Variants in PCNX1 observed in about 807,000 individuals in gnomAD.
The protein encoded by PCNX1 is pecanex 1, also known as pecanex-like protein 1.
In PCNX1, 78 loss-of-function variants were observed where a neutral mutation model predicts 242.2. The observed-to-expected ratio is 0.32, with a 90% CI of 0.27 to 0.39. The LOEUF is 0.39. Among genes scored for constraint, PCNX1 ranks in the 10% least tolerant of loss-of-function variants. The probability of loss-of-function intolerance (pLI) is 1.00; values close to 1 mark genes in which losing one functional copy is unlikely to be tolerated. For missense variants in PCNX1, 2,581 were observed against 2,856.5 expected (o/e 0.90, Z 2.20); for synonymous variants, 1,024 against 1,032.9 (o/e 0.99, Z 0.17).
At chr14:71,101,007 T>A (rs902997187) in intron 30 of PCNX1, among the ~76,000 whole-genome samples, 1 of 152,190 alleles carries the variant, frequency 6.6e-6, no homozygotes, top group African/African-American at 2.4e-5. Context: ...TAGAACATTT[T>A]ACATTATGAA....
chr14:71,073,722 G>A lies in PCNX1; in HGVS notation c.5030G>A (p.Ser1677Asn), dbSNP rs917457124. The change falls in exon 27 of 36, where the codon AGC becomes AAC. Residue 1677 changes from serine to asparagine, a missense_variant. Transcript: ENST00000304743. Reference protein sequence around the residue: ...IVTKYILEGYSITDNSAASML... With the variant: ...IVTKYILEGYNITDNSAASML... ...ACAAAGTACATTCTGGAGGGTTATAGCATCACTGATAACAGTGCTGCTTCT... is the reference window on the plus strand; with the variant it reads ...ACAAAGTACATTCTGGAGGGTTATAACATCACTGATAACAGTGCTGCTTCT... The A allele has an allele frequency of 6.2e-7, 1 of 1,613,762 alleles. No individual in the cohort carries two copies. The highest frequency in any genetic ancestry group is 1.3e-5 in the African/African-American group (1 of 74,894).
At chr14:71,025,548 T>C (rs1465853579) in intron 13 of PCNX1, among the ~76,000 whole-genome samples, 1 of 152,154 alleles carries the variant, frequency 6.6e-6, no homozygotes, top group Non-Finnish European at 1.5e-5. Context: ...GAAGTGTATG[T>C]ATGTATGTAC....
At chr14:70,922,613 A>G (rs1279399549) in intron 1 of PCNX1, among the ~76,000 whole-genome samples, 1 of 152,122 alleles carries the variant, frequency 6.6e-6, no homozygotes, top group Non-Finnish European at 1.5e-5. Context: ...TCATATATGT[A>G]TGTACTTGAA....
At chr14:71,097,138 GTGACT>G (rs1379989379) in intron 30 of PCNX1, among the ~76,000 whole-genome samples, 1 of 152,162 alleles carries the variant, frequency 6.6e-6, no homozygotes, top group Non-Finnish European at 1.5e-5. Flanking sequence ...GCAAAAGGAA[GTGACT>G]TGATTCTTTT....
intron 7 of PCNX1, among the ~76,000 whole-genome samples, chr14:70,991,112 T>C (rs7157250): frequency 0.37 from 55,516 of 151,992 alleles, 10,408 homozygotes; most frequent in East Asian, 0.62. Flanking sequence ...TGTGTTCTAA[T>C]GTTCTAACTC....
At chr14:70,937,547 G>T (rs983670545) in intron 1 of PCNX1, among the ~76,000 whole-genome samples, 13 of 152,054 alleles carry the variant, frequency 8.5e-5, no homozygotes, top group African/African-American at 2.4e-4. Context: ...CCTTGTAGTA[G>T]AGTTTGAAGT....
chr14:70,998,930 A>G (rs968832491), intron 8 of PCNX1, among the ~76,000 whole-genome samples: 2 of 152,110 alleles, frequency 1.3e-5, no homozygotes, highest in Non-Finnish European at 2.9e-5. Context: ...AAATTCTTCA[A>G]TGTAATATGT....
chr14:70,994,419 A>ATATATATATATATATATATATG (rs2059277493), intron 7 of PCNX1, among the ~76,000 whole-genome samples: 1 of 128,922 alleles, frequency 7.8e-6, no homozygotes, highest in Non-Finnish European at 1.7e-5. Flanking sequence ...ATATATATAT[A>ATATATATATATATATATATATG]TATATATATA....
chr14:70,909,705 C>G (rs574082983), intron 1 of PCNX1, among the ~76,000 whole-genome samples: 2 of 152,198 alleles, frequency 1.3e-5, no homozygotes, highest in East Asian at 3.9e-4. Context: ...ATTGAGTTTA[C>G]TTCCTTCATT....
chr14:71,104,328 ACT>A (rs776764835), intron 32 of PCNX1, among the ~76,000 whole-genome samples: 1 of 152,096 alleles, frequency 6.6e-6, no homozygotes, highest in Admixed American at 6.5e-5. Flanking sequence ...AAAGCAGCAA[ACT>A]CTCAAATGTT....
In PCNX1 at chr14:70,948,201, A is replaced by T. The variant is rs571358140; in HGVS notation, c.362+1078A>T. On this transcript the variant is annotated intron_variant, in intron 2 of 35. Transcript: ENST00000304743. ...TATTTTATTGCCCTTGAAGCATGTG[A>T]TCTCTGTGACCCATACCCTATTCAT... Among the ~76,000 whole-genome samples the T allele has an allele frequency of 3.3e-5, 5 of 152,086 alleles. No homozygotes were observed. In the South Asian group the frequency reaches 1.0e-3, roughly 32 times the overall value.
At chr14:71,065,605 C>CAG (rs1267273039) in intron 26 of PCNX1, among the ~76,000 whole-genome samples, 2 of 152,306 alleles carry the variant, frequency 1.3e-5, no homozygotes, top group East Asian at 3.9e-4. Flanking sequence ...TTTTGCTTTA[C>CAG]AGAAGCTCTT....
chr14:71,038,648 G>C (rs1056359862), intron 19 of PCNX1, among the ~76,000 whole-genome samples: 11 of 150,648 alleles, frequency 7.3e-5, no homozygotes, highest in African/African-American at 2.7e-4. Context: ...TTCAACCATT[G>C]TGGAAGTCAG....
intron 26 of PCNX1, among the ~76,000 whole-genome samples, chr14:71,068,401 C>A (rs149727698): frequency 6.8e-6 from 1 of 147,716 alleles, no homozygotes; most frequent in Non-Finnish European, 1.5e-5. Flanking sequence ...TTTATGTATA[C>A]GTATATATAT....
At chr14:70,991,232 TCTCG>T (rs1469993712) in intron 7 of PCNX1, among the ~76,000 whole-genome samples, 1 of 141,374 alleles carries the variant, frequency 7.1e-6, no homozygotes, top group Non-Finnish European at 1.5e-5. Context: ...TGAGACGGAG[TCTCG>T]CTCTGTCACC....
intron 3 of PCNX1, among the ~76,000 whole-genome samples, chr14:70,964,160 A>G (rs921665752): frequency 6.6e-6 from 1 of 152,128 alleles, no homozygotes; most frequent in Non-Finnish European, 1.5e-5. Context: ...TCCATCTCAC[A>G]GGTTCAAGCT....
intron 1 of PCNX1, among the ~76,000 whole-genome samples, chr14:70,918,375 C>A (rs144669838): frequency 6.6e-6 from 1 of 152,130 alleles, no homozygotes; most frequent in Non-Finnish European, 1.5e-5. Context: ...TCTTTACTAT[C>A]GTCTGTGGGC....
At chr14:70,910,192 C>CTCCTCCTCCTCCTCG (rs1566808895) in intron 1 of PCNX1, among the ~76,000 whole-genome samples, 1 of 44,034 alleles carries the variant, frequency 2.3e-5, no homozygotes, top group Non-Finnish European at 5.1e-5. Context: ...CCTCCTCCTC[C>CTCCTCCTCCTCCTCG]TCCTCCTCCT....
chr14:70,995,207 A>T (rs1356626554), intron 7 of PCNX1, among the ~76,000 whole-genome samples: 4 of 152,100 alleles, frequency 2.6e-5, no homozygotes, highest in Non-Finnish European at 4.4e-5. Flanking sequence ...CTAGTTTGTG[A>T]TTCTTTTTGA....
Sources: allele counts gnomAD v4.1 joint callset (sites outside exome capture counted in the v4.1 genomes callset), GRCh38; gene constraint gnomAD v4.1.1; transcripts MANE v1.5; gene names NCBI Gene and HGNC (gene_info 2026-07-23, HGNC 2026-07-21).